The following RGS7BP variants were observed in gnomAD, a reference collection of about 807,000 sequenced individuals.
RGS7BP encodes the protein regulator of G protein signaling 7 binding protein, also known as regulator of G protein signaling 7-binding protein.
In RGS7BP, 9 loss-of-function variants were observed where a neutral mutation model predicts 31.3. That is an observed-to-expected ratio of 0.29 (90% CI 0.17 to 0.50). RGS7BP has a LOEUF of 0.50. Among genes scored for constraint, RGS7BP ranks in the 20% least tolerant of loss-of-function variants. RGS7BP has a pLI of 0.98. For synonymous variants in RGS7BP, 115 were observed against 120.1 expected, an observed-to-expected ratio of 0.96 and a Z score of 0.28; for missense variants, 274 against 322.0, an observed-to-expected ratio of 0.85 and a Z score of 1.14.
intron 2 of RGS7BP, among the ~76,000 whole-genome samples, chr5:64,527,543 T>A (rs1749259834): frequency 6.7e-6 from 1 of 148,860 alleles, no homozygotes; most frequent in South Asian, 2.1e-4. Context: ...GGTTTTCATA[T>A]CATTTCTAAG....
chr5:64,561,242 G>A (rs1026843595), intron 2 of RGS7BP, among the ~76,000 whole-genome samples: 1 of 152,012 alleles, frequency 6.6e-6, no homozygotes, highest in African/African-American at 2.4e-5. Flanking sequence ...TAGGAGTAGG[G>A]CCAACTTTTA....
intron 3 of RGS7BP, 116 bp downstream of exon 3, chr5:64,576,020 T>A: frequency 2.2e-6 from 2 of 915,574 alleles, no homozygotes; most frequent in Non-Finnish European, 3.2e-6. Context: ...TACGATGAAT[T>A]TAAATGTTCA....
At chr5:64,564,877 T>A (rs1439235262) in intron 2 of RGS7BP, among the ~76,000 whole-genome samples, 2 of 151,990 alleles carry the variant, frequency 1.3e-5, no homozygotes, top group African/African-American at 4.8e-5. Flanking sequence ...TCAGAAACAG[T>A]TAAGTGCTGC....
At chr5:64,509,126 T>C (rs561052036) in intron 2 of RGS7BP, among the ~76,000 whole-genome samples, 1 of 151,966 alleles carries the variant, frequency 6.6e-6, no homozygotes, top group South Asian at 2.1e-4. Context: ...ATCCGGGAAA[T>C]GGAGGGGAAT....
chr5:64,583,481 C>T (rs1742657686), intron 3 of RGS7BP, among the ~76,000 whole-genome samples: 1 of 151,698 alleles, frequency 6.6e-6, no homozygotes, highest in African/African-American at 2.4e-5. Flanking sequence ...ACAGACAGAG[C>T]AGAGGTAGGG....
intron 2 of RGS7BP, among the ~76,000 whole-genome samples, chr5:64,562,393 A>T (rs1742075478): frequency 6.6e-6 from 1 of 151,994 alleles, no homozygotes; most frequent in South Asian, 2.1e-4. Context: ...TTTCACTTAA[A>T]CCTTTTTGAC....
chr5:64,516,895 T>C (rs1748990619), intron 2 of RGS7BP, among the ~76,000 whole-genome samples: 1 of 152,090 alleles, frequency 6.6e-6, no homozygotes, highest in Non-Finnish European at 1.5e-5. Flanking sequence ...TGCCTGGGCA[T>C]TGGGGTATTT....
rs538302997 is a variant in RGS7BP, at chr5:64,591,762, T to A, written c.464-2948T>A. ...ATTAAAATGCACTAACAGGAAAATATCTCTAAGCTGGACTACAGTAGCAAA... is the reference window on the plus strand; with the variant it reads ...ATTAAAATGCACTAACAGGAAAATAACTCTAAGCTGGACTACAGTAGCAAA... On this transcript the variant is annotated intron_variant, in intron 3 of 5. Transcript: ENST00000334025. 4.7e-3 allele frequency among the ~76,000 whole-genome samples: 716 copies of A among 152,276 alleles called. 4 individuals carry two copies. Among genetic ancestry groups the A allele is most frequent in the South Asian group, 0.013 (64 of 4,826 alleles).
At chr5:64,544,519 A>G (rs78589255) in intron 2 of RGS7BP, among the ~76,000 whole-genome samples, 48,226 of 151,206 alleles carry the variant, frequency 0.32, 8,541 homozygotes, top group East Asian at 0.66. Flanking sequence ...TGAAAAAAAA[A>G]AAAAAATAGC....
chr5:64,526,034 G>A (rs1443164523), intron 2 of RGS7BP, among the ~76,000 whole-genome samples: 1 of 152,168 alleles, frequency 6.6e-6, no homozygotes, highest in Non-Finnish European at 1.5e-5. Flanking sequence ...GCTAGGTCCT[G>A]ATGCTCACTG....
chr5:64,518,072 G>A (rs1441368629), intron 2 of RGS7BP, among the ~76,000 whole-genome samples: 1 of 152,112 alleles, frequency 6.6e-6, no homozygotes, highest in Non-Finnish European at 1.5e-5. Context: ...ATGATCTATG[G>A]TCAAGATCAT....
intron 2 of RGS7BP, among the ~76,000 whole-genome samples, chr5:64,555,240 G>A (rs1433412004): frequency 1.3e-5 from 2 of 152,074 alleles, no homozygotes; most frequent in Non-Finnish European, 2.9e-5. Flanking sequence ...GAAGCCAGAT[G>A]ACAACAGAAT....
Position 64,604,424 on chromosome 5 carries a change from T to A in RGS7BP, c.683-4737T>A, listed in dbSNP as rs567036230. ...AGCCTTATAGTTACTCAAGGAAAGA[T>A]CCTTGAGGCCAGGGACTATCTTTCT... is the stretch of plus-strand genomic sequence containing the variant. On this transcript the variant is annotated intron_variant, in intron 5 of 5. Coordinates refer to ENST00000334025, the MANE Select transcript of RGS7BP (RefSeq NM_001029875.3). Among the ~76,000 whole-genome samples, 95 of 152,226 alleles carry A rather than the reference T, an allele frequency of 6.2e-4. 3 individuals are homozygous for A. The South Asian group carries it at 0.02, about 31-fold the overall frequency.
Position 64,553,140 on chromosome 5 carries a change from A to AATCTGT in RGS7BP, c.333-22632_333-22627dup, listed in dbSNP as rs1036816522. 2.7e-5 allele frequency among the ~76,000 whole-genome samples: 4 copies of AATCTGT among 150,398 alleles called. 1 individual carries two copies. Among genetic ancestry groups the AATCTGT allele is most frequent in the Admixed American group, 2.0e-4 (3 of 15,104 alleles). On this transcript the variant is annotated intron_variant, in intron 2 of 5. Transcript: ENST00000334025. ...CTTTCAGATGACTTAGTGTAACTTG[A>AATCTGT]ATCTGTAGGACTTCCTTCCTTTCTT... is the stretch of plus-strand genomic sequence containing the variant.
At chr5:64,550,710 C>A (rs1429398410) in intron 2 of RGS7BP, among the ~76,000 whole-genome samples, 400 of 142,046 alleles carry the variant, frequency 2.8e-3, no homozygotes, top group East Asian at 3.3e-3. Flanking sequence ...AGGTATATCT[C>A]CTAATGCTAT....
chr5:64,506,480 G>A lies in RGS7BP; in HGVS notation c.-145G>A, dbSNP rs1748680668. ...GCTCTCCTTCAAGCTGAAGGTTACC[G>A]ACCCGCGCAGCCAGCCCCAGCACTG... On this transcript the variant is annotated 5_prime_UTR_variant, in exon 1 of 6. Coordinates refer to ENST00000334025, the MANE Select transcript of RGS7BP (RefSeq NM_001029875.3). This position sits in a 1 kb window ranked among gnomAD's most constrained non-coding sequence, Gnocchi z 4.6. 5.3e-6 allele frequency: 3 copies of A among 568,404 alleles called. No homozygotes were observed. The East Asian group carries it at 9.2e-5, about 17-fold the overall frequency. 35.2% of individuals were successfully genotyped at this position (568,404 alleles called of 1,614,324 possible). A position where few individuals can be genotyped will look rare whatever the true frequency, so the allele number is the denominator to read the frequency against.
At chr5:64,548,620 C>G (rs1741716173) in intron 2 of RGS7BP, among the ~76,000 whole-genome samples, 1 of 152,054 alleles carries the variant, frequency 6.6e-6, no homozygotes, top group Non-Finnish European at 1.5e-5. Context: ...AGCAATTCTG[C>G]CTCAGCCTCC....
At chr5:64,557,045 G>T (rs939151030) in intron 2 of RGS7BP, among the ~76,000 whole-genome samples, 2 of 152,170 alleles carry the variant, frequency 1.3e-5, no homozygotes, top group African/African-American at 4.8e-5. Context: ...ACTGGTACTT[G>T]TATTTCTAAG....
chr5:64,599,286 T>C (rs1481339853), intron 5 of RGS7BP, among the ~76,000 whole-genome samples: 1 of 152,138 alleles, frequency 6.6e-6, no homozygotes, highest in Non-Finnish European at 1.5e-5. Flanking sequence ...CTTCAGAGGA[T>C]GGTACATAGA....
Sources: allele counts gnomAD v4.1 joint callset (sites outside exome capture counted in the v4.1 genomes callset), GRCh38; gene constraint gnomAD v4.1.1; non-coding constraint Gnocchi (gnomAD v3.1); transcripts MANE v1.5; gene names NCBI Gene and HGNC (gene_info 2026-07-23, HGNC 2026-07-21).